The following ITGAX variants were observed in gnomAD, a reference collection of about 807,000 sequenced individuals.
ITGAX encodes integrin alpha-X.
A neutral mutation model predicts 140.2 loss-of-function variants in ITGAX; 99 were observed. The ratio of observed to expected loss-of-function variants is 0.71; its 90% CI spans 0.60 to 0.83. The LOEUF is 0.83. Among genes scored for constraint, ITGAX ranks in the 40% least tolerant of loss-of-function variants. ITGAX has a pLI of 0.00. For missense variants in ITGAX, 1,444 were observed against 1,482.0 expected, an observed-to-expected ratio of 0.97 and a Z score of 0.42; for synonymous variants, 631 against 600.4, an observed-to-expected ratio of 1.05 and a Z score of -0.75.
At position 31,361,049 on chromosome 16, in the gene ITGAX, T is replaced by A; in HGVS notation, c.862-14T>A. ...ATTTATTATTTTTACTGAGTTGATC[T>A]TTTCTGGGGACAGGTTGGATTAGCT... is the stretch of plus-strand genomic sequence containing the variant. On this transcript the variant is annotated splice_polypyrimidine_tract_variant and intron_variant, in intron 8 of 29. Transcript: ENST00000268296. The A allele has an allele frequency of 6.2e-7, 1 of 1,610,202 alleles. No homozygotes were observed. Among genetic ancestry groups the A allele is most frequent in the Non-Finnish European group, 8.5e-7 (1 of 1,179,070 alleles).
At chr16:31,381,773 C>T (rs2081070552) in intron 29 of ITGAX, 30 bp from the exon 30 acceptor site, 1 of 870,258 alleles carries the variant, frequency 1.1e-6, no homozygotes, top group African/African-American at 1.6e-5. Flanking sequence ...GAATGGGCTT[C>T]CTGAGTTTCT....
intron 25 of ITGAX, 45 bp from the exon 26 acceptor site, chr16:31,379,937 C>T: frequency 6.2e-7 from 1 of 1,607,022 alleles, no homozygotes; most frequent in Non-Finnish European, 8.5e-7. Flanking sequence ...CATGTGGGTC[C>T]CTGATGTCCC....
At chr16:31,381,659 T>C (rs886479341) in intron 29 of ITGAX, 144 bp from the exon 30 acceptor site, 7 of 640,436 alleles carry the variant, frequency 1.1e-5, no homozygotes, top group Non-Finnish European at 2.0e-5. Context: ...TAAATCTAGA[T>C]GACATGATGC....
Position 31,363,251 on chromosome 16 carries a change from G to T in ITGAX, c.1587G>T (p.Gly529=), listed in dbSNP as rs759429758. The part of the protein sequence containing the change: ...GRFGAALTVL[G]DVNGDKLTDV... The stretch of plus-strand genomic sequence containing the variant: ...TTGGGGCGGCTCTGACAGTGCTGGG[G>T]GATGTGAATGGGGACAAGCTGACAG... Residue 529 remains glycine (G), a synonymous_variant, in exon 14 of 30, where the codon GGG becomes GGT. Coordinates refer to ENST00000268296, the MANE Select transcript of ITGAX (RefSeq NM_000887.5). The T allele has an allele frequency of 1.2e-6, 2 of 1,613,848 alleles. No individual in the cohort carries two copies. Among genetic ancestry groups the T allele is most frequent in the East Asian group, 2.2e-5 (1 of 44,864 alleles).
chr16:31,357,761 A>T, intron 5 of ITGAX: 1 of 418,194 alleles, frequency 2.4e-6, no homozygotes. Context: ...GGATATGACC[A>T]ATTGGTTTGT....
intron 9 of ITGAX, 162 bp from the exon 10 acceptor site, chr16:31,361,674 C>T: frequency 2.4e-6 from 2 of 831,370 alleles, no homozygotes; most frequent in Non-Finnish European, 2.0e-6. Flanking sequence ...CAGAGGGGGG[C>T]CCCGAAGTCG....
chr16:31,364,969 A>AGATCGC (rs2080877895), intron 14 of ITGAX, among the ~76,000 whole-genome samples: 1 of 152,172 alleles, frequency 6.6e-6, no homozygotes, highest in African/African-American at 2.4e-5. Context: ...TGGTGAGCCG[A>AGATCGC]GATCGCGGCA....
Position 31,370,415 on chromosome 16 carries a change from C to G in ITGAX, c.1711-669C>G, listed in dbSNP as rs568087995. Among the ~76,000 whole-genome samples the G allele has an allele frequency of 3.3e-5, 5 of 152,224 alleles. No individual in the cohort carries two copies. In the South Asian group the frequency reaches 1.0e-3, roughly 32 times the overall value. ...GGGTGGATCTGGGTGTGGGTGCGAC[C>G]ACTCCCTACCCCACCGCGGCTTTTT... On this transcript the variant is annotated intron_variant, in intron 14 of 29. Transcript: ENST00000268296.
chr16:31,380,967 G>T lies in ITGAX; in HGVS notation c.3347G>T (p.Gly1116Val). 6.2e-7 allele frequency: 1 copy of T among 1,614,120 alleles called. No individual in the cohort carries two copies. The highest frequency in any genetic ancestry group is 8.5e-7 in the Non-Finnish European group (1 of 1,180,022). ...CTCATCGTAGGCAGCTCCATTGGGG[G>T]TCTGTTGCTGCTGGCACTCATCACA... ...TPLIVGSSIGGLLLLALITAV... is the reference protein window; with the variant it reads ...TPLIVGSSIGVLLLLALITAV... Residue 1116 changes from glycine (G) to valine (V), a missense_variant, in exon 29 of 30, where the codon GGT becomes GTT. By Grantham distance (109) the Gly-to-Val change is moderately radical. Coordinates refer to ENST00000268296, the MANE Select transcript of ITGAX (RefSeq NM_000887.5).
At position 31,371,667 on chromosome 16, in the gene ITGAX, C is replaced by T. The variant is rs189986648; in HGVS notation, c.2043C>T (p.Leu681=). ...LQSSVTLDLA[L]DPGRLSPRAT... is the part of the protein sequence containing the mutation. ...GCTCTGTGACCTTGGACCTGGCCCT[C>T]GACCCTGGCCGCCTGAGTCCCCGTG... Residue 681 remains leucine, a synonymous_variant, in exon 17 of 30, where the codon CTC becomes CTT. Transcript: ENST00000268296. The T allele has an allele frequency of 3.2e-5, 52 of 1,614,124 alleles. No homozygotes were observed. In the East Asian group the frequency reaches 8.9e-4, roughly 28 times the overall value.
chr16:31,358,913 G>A (rs1764527962), intron 5 of ITGAX, among the ~76,000 whole-genome samples: 1 of 151,528 alleles, frequency 6.6e-6, no homozygotes, highest in Admixed American at 6.6e-5. Context: ...CAACTCCTGG[G>A]CTCAAGTGAT....
chr16:31,360,987 T>G, intron 8 of ITGAX, 76 bp from the exon 9 acceptor site: 1 of 1,382,378 alleles, frequency 7.2e-7, no homozygotes, highest in South Asian at 1.2e-5. Context: ...GTGGGGTTAT[T>G]GGAAGATGTT....
chr16:31,372,638 G>A lies in ITGAX; in HGVS notation c.2334G>A (p.Gln778=), dbSNP rs1416962736. The change falls in exon 19 of 30, where the codon CAG becomes CAA. Residue 778 remains glutamine (Q), a synonymous_variant. Transcript: ENST00000268296. ...EKNCGADHIC[Q]DNLGISFSFP... is the part of the protein sequence containing the mutation. Reference sequence around the variant, plus strand: ...ACTGTGGAGCCGACCATATCTGCCAGGACAATCTCGGCATCTCCTTCAGCT... The same window carrying A: ...ACTGTGGAGCCGACCATATCTGCCAAGACAATCTCGGCATCTCCTTCAGCT... 3 of 1,614,000 alleles carry A rather than the reference G, an allele frequency of 1.9e-6. No homozygotes were observed. The highest frequency in any genetic ancestry group is 1.3e-5 in the African/African-American group (1 of 74,910).
rs13336416 is a variant in ITGAX, at chr16:31,366,414, C to A, written c.1710+3040C>A. Among the ~76,000 whole-genome samples the A allele has an allele frequency of 3.2e-4, 49 of 152,302 alleles. No individual in the cohort carries two copies. The East Asian group carries it at 4.8e-3, about 15-fold the overall frequency. On this transcript the variant is annotated intron_variant, in intron 14 of 29. Coordinates refer to ENST00000268296, the MANE Select transcript of ITGAX (RefSeq NM_000887.5). ...CTGTCTCTCTCTCCCTCTCCTGTGG[C>A]CTCCCTATTCCCTGCAATGCAATGA... is the stretch of plus-strand genomic sequence containing the variant.
chr16:31,369,361 C>T (rs1004217626), intron 14 of ITGAX, among the ~76,000 whole-genome samples: 4 of 151,482 alleles, frequency 2.6e-5, no homozygotes, highest in Admixed American at 6.6e-5. Context: ...CCAGTAGGGG[C>T]GGCCGGGCAG....
chr16:31,357,371 G>A lies in ITGAX; in HGVS notation c.430+7G>A. ...CTCCCGGTGTCCAGGCAGGGTGAGT[G>A]TCGGGACCACCAAGGCTTTGAGGAG... is the stretch of plus-strand genomic sequence containing the variant. On this transcript the variant is annotated splice_region_variant and intron_variant, in intron 5 of 29. Transcript: ENST00000268296. 6.3e-7 allele frequency: 1 copy of A among 1,579,394 alleles called. No homozygotes were observed. The highest frequency in any genetic ancestry group is 2.3e-5 in the East Asian group (1 of 43,174).
intron 14 of ITGAX, among the ~76,000 whole-genome samples, chr16:31,364,511 G>C (rs1045792888): frequency 6.6e-6 from 1 of 151,490 alleles, no homozygotes; most frequent in Non-Finnish European, 1.5e-5. Flanking sequence ...AGGGCCAATG[G>C]GTGCATAAAA....
chr16:31,369,716 C>G (rs2080935795), intron 14 of ITGAX, among the ~76,000 whole-genome samples: 1 of 152,152 alleles, frequency 6.6e-6, no homozygotes, highest in Admixed American at 6.5e-5. Context: ...CCTAGCCTTT[C>G]TAGACTCCCT....
chr16:31,373,425 T>G, intron 20 of ITGAX, 35 bp downstream of exon 20: 6 of 1,593,326 alleles, frequency 3.8e-6, no homozygotes, highest in Non-Finnish European at 5.1e-6. Flanking sequence ...GAGGCAGGGC[T>G]GGGCGTTAGC....
Sources: allele counts gnomAD v4.1 joint callset (sites outside exome capture counted in the v4.1 genomes callset), GRCh38; gene constraint gnomAD v4.1.1; transcripts MANE v1.5; gene names NCBI Gene and HGNC (gene_info 2026-07-23, HGNC 2026-07-21).